The following MACROD2 variants were observed in gnomAD, a reference collection of about 807,000 sequenced individuals.
MACROD2 encodes mono-ADP ribosylhydrolase 2.
Under a neutral mutation model 70.4 loss-of-function variants are expected in MACROD2, and 36 were observed. The observed-to-expected ratio is 0.51, with a 90% CI of 0.39 to 0.68. MACROD2 has a LOEUF of 0.68. Among genes scored for constraint, MACROD2 ranks in the 30% least tolerant of loss-of-function variants. The probability of loss-of-function intolerance (pLI) is 0.00; values close to 1 mark genes in which losing one functional copy is unlikely to be tolerated. For missense variants in MACROD2, 496 were observed against 538.4 expected (o/e 0.92, Z 0.78); for synonymous variants, 172 against 178.8 (o/e 0.96, Z 0.30).
chr20:14,728,441 G>A (rs895818485), intron 5 of MACROD2, among the ~76,000 whole-genome samples: 8 of 151,952 alleles, frequency 5.3e-5, no homozygotes, highest in Non-Finnish European at 8.8e-5. Flanking sequence ...TATAGCATAC[G>A]TAATAGCTAA....
At chr20:14,050,221 T>A (rs1295839198) in intron 2 of MACROD2, among the ~76,000 whole-genome samples, 3 of 152,100 alleles carry the variant, frequency 2.0e-5, no homozygotes, top group African/African-American at 7.2e-5. Flanking sequence ...ATTCTGCATA[T>A]GATGATTCTG....
At chr20:14,842,123 A>T (rs2073094000) in intron 5 of MACROD2, among the ~76,000 whole-genome samples, 1 of 152,142 alleles carries the variant, frequency 6.6e-6, no homozygotes, top group Admixed American at 6.5e-5. Flanking sequence ...TCATGGCATG[A>T]TTGAAGGCAT....
intron 6 of MACROD2, among the ~76,000 whole-genome samples, chr20:15,241,174 T>C (rs1010905919): frequency 7.9e-5 from 12 of 152,228 alleles, no homozygotes; most frequent in Non-Finnish European, 1.2e-4. Flanking sequence ...TGTGAGGCTA[T>C]AAAGAAGGAA....
At chr20:14,098,143 T>C (rs528016270) in intron 3 of MACROD2, among the ~76,000 whole-genome samples, 43 of 152,336 alleles carry the variant, frequency 2.8e-4, no homozygotes, top group African/African-American at 1.0e-3. Context: ...AGCAGAATTA[T>C]ACTCCTTAGT....
intron 7 of MACROD2, among the ~76,000 whole-genome samples, chr20:15,458,169 A>G (rs2046755578): frequency 6.6e-6 from 1 of 152,144 alleles, no homozygotes; most frequent in Admixed American, 6.6e-5. Context: ...TGTTCTGAGC[A>G]TTTCCAAAGA....
At chr20:14,462,861 T>A (rs900351223) in intron 3 of MACROD2, among the ~76,000 whole-genome samples, 1 of 152,008 alleles carries the variant, frequency 6.6e-6, no homozygotes, top group Non-Finnish European at 1.5e-5. Context: ...GCGGCATTAT[T>A]TCTGAGGGCT....
intron 3 of MACROD2, among the ~76,000 whole-genome samples, chr20:14,130,502 C>CCACTG (rs998970950): frequency 1.3e-5 from 2 of 151,996 alleles, no homozygotes; most frequent in Admixed American, 6.6e-5. Flanking sequence ...CGAGATCACG[C>CCACTG]CACTGCACTC....
intron 3 of MACROD2, among the ~76,000 whole-genome samples, chr20:14,310,918 A>C (rs546591476): frequency 6.6e-6 from 1 of 152,306 alleles, no homozygotes; most frequent in Admixed American, 6.5e-5. Context: ...GAAAGGAAAT[A>C]TTTTTGTGCC....
At chr20:14,630,756 A>C (rs1215990822) in intron 4 of MACROD2, among the ~76,000 whole-genome samples, 1 of 152,226 alleles carries the variant, frequency 6.6e-6, no homozygotes, top group African/African-American at 2.4e-5. Context: ...AAATATAGTT[A>C]TCTACATTTG....
rs1005457486 is a variant in MACROD2 at position 14,685,022 on chromosome 20, G to A, written c.418+63G>A. ...ACATCTTAACTTGTTTTACTCCAGT[G>A]TATAACTGGAAAAGGAAATGGCAGT... is the stretch of plus-strand genomic sequence containing the variant. On this transcript the variant is annotated intron_variant, in intron 5 of 17. Coordinates refer to ENST00000684519, the MANE Select transcript of MACROD2 (RefSeq NM_001351661.2). 3.5e-5 allele frequency: 44 copies of A among 1,266,164 alleles called. No individual in the cohort carries two copies. In the Admixed American group the frequency reaches 7.9e-4, roughly 23 times the overall value. The allele number at this position is 1,266,164 out of a possible 1,614,324, so 78.4% of individuals were successfully genotyped here. A position where few individuals can be genotyped will look rare whatever the true frequency, so the allele number is the denominator to read the frequency against.
chr20:15,756,184 G>T (rs1362247901), intron 8 of MACROD2, among the ~76,000 whole-genome samples: 1 of 152,156 alleles, frequency 6.6e-6, no homozygotes, highest in Admixed American at 6.5e-5. Context: ...TATGCAAATT[G>T]CCAGCCTCAA....
At chr20:15,044,897 TTAA>T (rs1046816889) in intron 5 of MACROD2, among the ~76,000 whole-genome samples, 3 of 152,188 alleles carry the variant, frequency 2.0e-5, no homozygotes, top group African/African-American at 7.2e-5. Context: ...ATAGAAATAT[TTAA>T]TAATATTTAT....
intron 5 of MACROD2, among the ~76,000 whole-genome samples, chr20:15,212,469 G>A (rs1039645626): frequency 2.0e-5 from 3 of 152,168 alleles, no homozygotes; most frequent in East Asian, 1.9e-4. Context: ...GAGAACTAAA[G>A]TAGAGAGTAG....
chr20:15,684,136 T>A (rs964536877), intron 8 of MACROD2, among the ~76,000 whole-genome samples: 1 of 152,192 alleles, frequency 6.6e-6, no homozygotes, highest in African/African-American at 2.4e-5. Flanking sequence ...CCTATTATAT[T>A]CTAATGACCT....
chr20:14,580,690 C>G (rs1473798428), intron 4 of MACROD2, among the ~76,000 whole-genome samples: 1 of 152,166 alleles, frequency 6.6e-6, no homozygotes, highest in Non-Finnish European at 1.5e-5. Flanking sequence ...AAAATGAAAA[C>G]TAGGAAGTCG....
chr20:14,172,739 T>G (rs1319121417), intron 3 of MACROD2, among the ~76,000 whole-genome samples: 1 of 152,218 alleles, frequency 6.6e-6, no homozygotes, highest in African/African-American at 2.4e-5. Context: ...TGTTTTCGTC[T>G]TATAGGTCCT....
chr20:15,799,041 A>G (rs969352286), intron 8 of MACROD2, among the ~76,000 whole-genome samples: 4 of 152,208 alleles, frequency 2.6e-5, no homozygotes, highest in African/African-American at 9.6e-5. Context: ...TTTTGTGTGT[A>G]AGAGTAATGC....
intron 3 of MACROD2, among the ~76,000 whole-genome samples, chr20:14,087,267 G>C (rs1018170380): frequency 1.3e-5 from 2 of 152,038 alleles, no homozygotes; most frequent in Admixed American, 6.5e-5. Flanking sequence ...GTGATGGCGA[G>C]TGCCTGTAGT....
At chr20:15,734,723 T>G (rs1486580149) in intron 8 of MACROD2, among the ~76,000 whole-genome samples, 1 of 152,186 alleles carries the variant, frequency 6.6e-6, no homozygotes, top group Non-Finnish European at 1.5e-5. Context: ...TGTCTATATA[T>G]AGAAATTTCC....
Sources: gnomAD v4.1 joint callset for allele counts (sites outside exome capture counted in the v4.1 genomes callset) on GRCh38, gnomAD v4.1.1 for gene constraint, MANE v1.5 for transcripts, NCBI Gene and HGNC (gene_info 2026-07-23, HGNC 2026-07-21) for gene names.